The following SART3 variants were observed in gnomAD, a reference collection of about 807,000 sequenced individuals.
SART3 encodes the protein HIV-1 Tat-interacting protein of 110kDa.
Under a neutral mutation model 122.3 loss-of-function variants are expected in SART3, and 44 were observed. The ratio of observed to expected loss-of-function variants is 0.36; its 90% CI spans 0.28 to 0.46. The LOEUF is 0.46. Among genes scored for constraint, SART3 ranks in the 20% least tolerant of loss-of-function variants. The pLI, the probability that SART3 is intolerant of heterozygous loss-of-function variation, is 1.00. For missense variants in SART3, 1,101 were observed against 1,229.0 expected, an observed-to-expected ratio of 0.90 and a Z score of 1.56; for synonymous variants, 442 against 454.0, an observed-to-expected ratio of 0.97 and a Z score of 0.34.
intron 15 of SART3, 117 bp from the exon 16 acceptor site, chr12:108,526,670 C>T: frequency 8.9e-7 from 1 of 1,118,574 alleles, no homozygotes; most frequent in Non-Finnish European, 1.3e-6. Flanking sequence ...TACTCCCTCA[C>T]CAGACTCGGA....
intron 1 of SART3, among the ~76,000 whole-genome samples, chr12:108,557,266 T>C (rs1193372605): frequency 7.2e-6 from 1 of 138,164 alleles, no homozygotes; most frequent in Admixed American, 8.5e-5. Context: ...CAGGCTGGAG[T>C]GCAGTGGTGT....
rs115660909 is a variant in SART3, at chr12:108,523,174, C to T, written c.*283G>A. On this transcript the variant is annotated 3_prime_UTR_variant, in exon 19 of 19. Transcript: ENST00000546815. ...TCTCAAAAACAGTGTGTTCTCGTTT[C>T]GCTTCTGTGCCTCAGTCTTTAAGAT... 687 of 533,886 alleles carry T rather than the reference C, an allele frequency of 1.3e-3. 4 individuals carry two copies. The highest frequency in any genetic ancestry group is 0.012 in the African/African-American group (607 of 52,764). The allele number at this position is 533,886 out of a possible 1,614,324, so 33.1% of individuals were successfully genotyped here.
chr12:108,525,510 G>A lies in SART3; in HGVS notation c.2470C>T (p.His824Tyr). The A allele has an allele frequency of 1.2e-6, 2 of 1,614,236 alleles. No homozygotes were observed. Among genetic ancestry groups the A allele is most frequent in the Non-Finnish European group, 1.7e-6 (2 of 1,180,028 alleles). Residue 824 changes from histidine to tyrosine, a missense_variant, in exon 17 of 19, where the codon CAT becomes TAT. This residue lies in a region of SART3 where 885 missense variants were observed against 1,080.1 expected (regional missense o/e 0.82). Coordinates refer to ENST00000546815, the MANE Select transcript of SART3 (RefSeq NM_014706.4). ...AGCCTGAGGTCCTTCACGGTGCCAT[G>A]AGCCTTACAGATTTCTTCTAGTTCC... ...KEELEEICKA[H>Y]GTVKDLRLVT...
At chr12:108,541,687 C>T (rs1161660459) in intron 6 of SART3, among the ~76,000 whole-genome samples, 5 of 151,766 alleles carry the variant, frequency 3.3e-5, no homozygotes, top group Non-Finnish European at 7.4e-5. Flanking sequence ...TACAGGCGCC[C>T]GCCACCATGC....
Position 108,530,857 on chromosome 12 carries a change from C to CA in SART3, c.1746+346dup, listed in dbSNP as rs201818399. On this transcript the variant is annotated intron_variant, in intron 14 of 18. Transcript: ENST00000546815. The stretch of plus-strand genomic sequence containing the variant: ...TGGGCAACAGAGCGAGACTCCGTCT[C>CA]AAAAAAAAAAAAATCCATAAAACTG... Among the ~76,000 whole-genome samples, 1,292 of 140,690 alleles carry CA rather than the reference C, an allele frequency of 9.2e-3. 16 individuals are homozygous for CA. Among genetic ancestry groups the CA allele is most frequent in the African/African-American group, 0.023 (897 of 38,472 alleles). The allele number at this position is 140,690 out of a possible 152,430, so 92.3% of individuals were successfully genotyped here. A position where few individuals can be genotyped will look rare whatever the true frequency, so the allele number is the denominator to read the frequency against.
intron 5 of SART3, 85 bp downstream of exon 5, chr12:108,544,342 G>A: frequency 1.7e-6 from 2 of 1,166,954 alleles, no homozygotes; most frequent in Non-Finnish European, 2.6e-6. Flanking sequence ...TCACAGGATG[G>A]TGGGAAAGGT....
At chr12:108,548,910 A>T (rs1201037680) in intron 2 of SART3, among the ~76,000 whole-genome samples, 178 bp downstream of exon 2, 3 of 152,230 alleles carry the variant, frequency 2.0e-5, no homozygotes, top group Non-Finnish European at 4.4e-5. Context: ...TATGATCATA[A>T]CTACATTTTG....
Position 108,545,288 on chromosome 12 carries a change from C to A in SART3, c.580G>T (p.Val194Phe). The part of the protein sequence containing the change: ...NIWLEYGQYS[V>F]GGIGQKGGLE... ...CCACCTTTCTGACCAATCCCACCAA[C>A]TGAGTACTGGCCATACTCTAGCCAA... Residue 194 changes from valine to phenylalanine, a missense_variant, in exon 4 of 19, where the codon GTT becomes TTT. Val to Phe is a conservative substitution (Grantham distance 50, BLOSUM62 -1). Transcript: ENST00000546815. 6.2e-7 allele frequency: 1 copy of A among 1,614,210 alleles called. No individual in the cohort carries two copies.
intron 1 of SART3, among the ~76,000 whole-genome samples, chr12:108,557,206 GTTTTTTTTTT>G (rs71076787): frequency 3.6e-5 from 3 of 82,930 alleles, no homozygotes; most frequent in African/African-American, 1.6e-4. Flanking sequence ...TAATGACATA[GTTTTTTTTTT>G]TTTTTTTTTT....
At position 108,546,871 on chromosome 12, in the gene SART3, G is replaced by A. The variant is rs568788751; in HGVS notation, c.544+1016C>T. On this transcript the variant is annotated intron_variant, in intron 3 of 18. Coordinates refer to ENST00000546815, the MANE Select transcript of SART3 (RefSeq NM_014706.4). ...ATCTTGCTCTGTTGCCCAGGCTAGA[G>A]TGTAGTAGCACAACCTCAACTCGCT... 3.9e-5 allele frequency among the ~76,000 whole-genome samples: 6 copies of A among 152,230 alleles called. No homozygotes were observed. In the East Asian group the frequency reaches 1.2e-3, roughly 29 times the overall value.
chr12:108,533,875 T>G (rs977505309), intron 12 of SART3, among the ~76,000 whole-genome samples: 1 of 152,244 alleles, frequency 6.6e-6, no homozygotes, highest in African/African-American at 2.4e-5. Flanking sequence ...TCAATATGGT[T>G]TCAGATTCCA....
rs1411299860 is a variant in SART3 at position 108,560,904 on chromosome 12, T to A, written c.251A>T (p.Glu84Val). 2 of 1,613,296 alleles carry A rather than the reference T, an allele frequency of 1.2e-6. No homozygotes were observed. The highest frequency in any genetic ancestry group is 2.7e-5 in the African/African-American group (2 of 75,024). The change falls in exon 1 of 19, where the codon GAG (glutamate) becomes GTG (valine). Residue 84 changes from glutamate (E) to valine (V), a missense_variant. Glu to Val is a moderately radical substitution (Grantham distance 121). This residue lies in a region of SART3 where 216 missense variants were observed against 148.9 expected (regional missense o/e 1.45). Coordinates refer to ENST00000546815, the MANE Select transcript of SART3 (RefSeq NM_014706.4). ...SSAESSPGEY[E>V]WEYDEEEEKN... Reference sequence around the variant, plus strand: ...CTCCTCCTCTTCGTCATATTCCCACTCGTACTCCCCGGGGGAGCTCTCCGC... The same window carrying A: ...CTCCTCCTCTTCGTCATATTCCCACACGTACTCCCCGGGGGAGCTCTCCGC...
intron 6 of SART3, among the ~76,000 whole-genome samples, chr12:108,541,886 A>G (rs974713333): frequency 6.6e-5 from 10 of 151,868 alleles, no homozygotes; most frequent in African/African-American, 2.2e-4. Context: ...TTAGGTGACA[A>G]TGCAGTGGCA....
chr12:108,538,197 G>T lies in SART3; in HGVS notation c.1069C>A (p.Gln357Lys). The T allele has an allele frequency of 6.2e-7, 1 of 1,614,164 alleles. No homozygotes were observed. The highest frequency in any genetic ancestry group is 8.5e-7 in the Non-Finnish European group (1 of 1,180,010). Residue 357 changes from glutamine (Q) to lysine (K), a missense_variant, in exon 8 of 19, where the codon CAA (glutamine) becomes AAA (lysine). Physicochemically the swap from Gln to Lys is moderately conservative, Grantham distance 53. Coordinates refer to ENST00000546815, the MANE Select transcript of SART3 (RefSeq NM_014706.4). ...WIRYSQYLDR[Q>K]LKVKDLVLSV... The stretch of plus-strand genomic sequence containing the variant: ...AAAACCAAATCCTTTACTTTCAGTT[G>T]TCGATCCTATGATAAAGAATTCCAG...
intron 1 of SART3, among the ~76,000 whole-genome samples, chr12:108,559,613 C>T (rs1217926263): frequency 7.0e-6 from 1 of 143,798 alleles, no homozygotes; most frequent in Non-Finnish European, 1.5e-5. Context: ...TGCAGTGACA[C>T]GAGATGGTGC....
chr12:108,560,885 C>T lies in SART3; in HGVS notation c.270G>A (p.Glu90=). Residue 90 remains glutamate, a synonymous_variant, in exon 1 of 19, where the codon GAG becomes GAA. Transcript: ENST00000546815. The part of the protein sequence containing the change: ...PGEYEWEYDE[E]EEKNQLEIER... Reference sequence around the variant, plus strand: ...CAATCTCCAGCTGGTTTTTCTCCTCCTCTTCGTCATATTCCCACTCGTACT... The same window carrying T: ...CAATCTCCAGCTGGTTTTTCTCCTCTTCTTCGTCATATTCCCACTCGTACT... 9.3e-6 allele frequency: 15 copies of T among 1,608,008 alleles called. No homozygotes were observed. Among genetic ancestry groups the T allele is most frequent in the Non-Finnish European group, 1.3e-5 (15 of 1,175,252 alleles).
chr12:108,542,965 G>T, intron 6 of SART3, 63 bp downstream of exon 6: 7 of 1,600,074 alleles, frequency 4.4e-6, no homozygotes, highest in South Asian at 1.1e-5. Flanking sequence ...TGTTTAACTC[G>T]CAACTATCCA....
At chr12:108,538,881 TA>T in intron 7 of SART3, 52 bp downstream of exon 7, 1 of 1,610,776 alleles carries the variant, frequency 6.2e-7, no homozygotes, top group Non-Finnish European at 8.5e-7. Flanking sequence ...TTACTGATTT[TA>T]AGTAGATTCT....
At position 108,545,032 on chromosome 12, in the gene SART3, C is replaced by T. The variant is rs1264555444; in HGVS notation, c.729+107G>A. ...GGATTGGCAAAGACCATTTTGTTAA[C>T]TATATGAACTGCAAGATTCATCATG... On this transcript the variant is annotated intron_variant, in intron 4 of 18. Transcript: ENST00000546815. The T allele has an allele frequency of 3.5e-6, 4 of 1,157,792 alleles. No individual in the cohort carries two copies. The South Asian group carries it at 4.9e-5, about 14-fold the overall frequency. The allele number at this position is 1,157,792 out of a possible 1,614,324, so 71.7% of individuals were successfully genotyped here. A position where few individuals can be genotyped will look rare whatever the true frequency, so the allele number is the denominator to read the frequency against.
Sources: allele counts gnomAD v4.1 joint callset (sites outside exome capture counted in the v4.1 genomes callset), GRCh38; gene constraint gnomAD v4.1.1; regional missense constraint gnomAD v4.1.1; transcripts MANE v1.5; gene names NCBI Gene and HGNC (gene_info 2026-07-23, HGNC 2026-07-21).